Variants in XRCC4 observed in about 807,000 individuals in gnomAD.
The protein encoded by XRCC4 is DNA repair protein XRCC4.
XRCC4 carries 28 observed loss-of-function variants against 39.1 expected under a neutral mutation model. The observed-to-expected ratio is 0.72, with a 90% CI of 0.53 to 0.98. The LOEUF is 0.98. XRCC4 is among the 50% of genes least tolerant of loss of function. The pLI, the probability that XRCC4 is intolerant of heterozygous loss-of-function variation, is 0.00. For synonymous variants in XRCC4, 123 were observed against 126.4 expected, an observed-to-expected ratio of 0.97 and a Z score of 0.18; for missense variants, 350 against 376.4, an observed-to-expected ratio of 0.93 and a Z score of 0.58.
chr5:83,288,041 C>T (rs904166122), intron 7 of XRCC4, among the ~76,000 whole-genome samples: 1 of 151,788 alleles, frequency 6.6e-6, no homozygotes, highest in Non-Finnish European at 1.5e-5. Flanking sequence ...CCCATATGTT[C>T]AGAAGTATAT....
intron 7 of XRCC4, among the ~76,000 whole-genome samples, chr5:83,264,672 C>G (rs148765709): frequency 1.2e-3 from 180 of 152,234 alleles, no homozygotes; most frequent in African/African-American, 4.2e-3. Context: ...GCAGATCCCT[C>G]TCTCTTCCAC....
chr5:83,258,277 A>G (rs1053207083), intron 6 of XRCC4, among the ~76,000 whole-genome samples: 3 of 152,144 alleles, frequency 2.0e-5, no homozygotes, highest in Non-Finnish European at 4.4e-5. Context: ...CTCCAAGAAC[A>G]CGTTCACCCA....
At chr5:83,103,403 T>G (rs1746046940) in intron 1 of XRCC4, among the ~76,000 whole-genome samples, 1 of 152,126 alleles carries the variant, frequency 6.6e-6, no homozygotes, top group African/African-American at 2.4e-5. Flanking sequence ...AGTAAAAAAT[T>G]GGCTAACATG....
chr5:83,148,673 A>G (rs1338906689), intron 3 of XRCC4, among the ~76,000 whole-genome samples: 1 of 152,150 alleles, frequency 6.6e-6, no homozygotes, highest in African/African-American at 2.4e-5. Context: ...ATAACTTTAC[A>G]TTTTTAAAAA....
intron 3 of XRCC4, among the ~76,000 whole-genome samples, chr5:83,112,105 G>A (rs1441220153): frequency 6.6e-6 from 1 of 151,108 alleles, no homozygotes; most frequent in Non-Finnish European, 1.5e-5. Flanking sequence ...AGGGAATAAT[G>A]CAGAGAAACT....
intron 7 of XRCC4, among the ~76,000 whole-genome samples, chr5:83,317,740 A>G (rs2112117695): frequency 2.3e-4 from 1 of 4,258 alleles, no homozygotes; most frequent in East Asian, 6.8e-3. Flanking sequence ...AGAGTCCAGG[A>G]CCAGATGGAT....
intron 3 of XRCC4, among the ~76,000 whole-genome samples, chr5:83,183,195 C>T (rs1274803058): frequency 6.6e-6 from 1 of 151,670 alleles, no homozygotes; most frequent in Admixed American, 6.6e-5. Flanking sequence ...CTTTTTTTCC[C>T]CAGTCTTCCA....
At chr5:83,141,390 C>T (rs567596803) in intron 3 of XRCC4, among the ~76,000 whole-genome samples, 3 of 152,248 alleles carry the variant, frequency 2.0e-5, no homozygotes, top group Non-Finnish European at 4.4e-5. Context: ...AATTTCTCTC[C>T]AGAAAAGGTG....
At chr5:83,214,830 CCTT>C (rs1353526184) in intron 6 of XRCC4, among the ~76,000 whole-genome samples, 1 of 120,098 alleles carries the variant, frequency 8.3e-6, no homozygotes, top group Non-Finnish European at 1.8e-5. Context: ...GAGCAAGACT[CCTT>C]CTCAAAAAAA....
intron 6 of XRCC4, among the ~76,000 whole-genome samples, chr5:83,244,202 G>A (rs974678968): frequency 3.4e-5 from 5 of 148,658 alleles, no homozygotes; most frequent in African/African-American, 1.0e-4. Context: ...TTCTTTATGG[G>A]TCACATTTTC....
chr5:83,359,786 A>T, the XRCC4 span, among the ~76,000 whole-genome samples: 1 of 152,158 alleles, frequency 6.6e-6, no homozygotes, highest in Non-Finnish European at 1.5e-5. Flanking sequence ...ATTTCAGAAG[A>T]CCTTCAATCA....
chr5:83,149,187 A>G (rs1360783478), intron 3 of XRCC4, among the ~76,000 whole-genome samples: 1 of 152,110 alleles, frequency 6.6e-6, no homozygotes, highest in African/African-American at 2.4e-5. Context: ...TCCACTGATG[A>G]TTCTTTTTGT....
chr5:83,100,102 G>C (rs1745860300), intron 1 of XRCC4, among the ~76,000 whole-genome samples: 2 of 152,064 alleles, frequency 1.3e-5, no homozygotes, highest in Non-Finnish European at 2.9e-5. Flanking sequence ...TTGATATAAA[G>C]AACATTTCTG....
At chr5:83,329,782 A>G (rs1416695711) in intron 7 of XRCC4, among the ~76,000 whole-genome samples, 1 of 152,110 alleles carries the variant, frequency 6.6e-6, no homozygotes, top group African/African-American at 2.4e-5. Context: ...TTAACTGGCC[A>G]ATTATCATCA....
intron 6 of XRCC4, among the ~76,000 whole-genome samples, chr5:83,214,217 A>G (rs989878881): frequency 6.6e-6 from 1 of 152,212 alleles, no homozygotes; most frequent in African/African-American, 2.4e-5. Flanking sequence ...GCAATTAGGC[A>G]AGAAAATAAG....
chr5:83,206,000 A>T (rs1224609061), intron 6 of XRCC4, among the ~76,000 whole-genome samples: 1 of 152,154 alleles, frequency 6.6e-6, no homozygotes, highest in African/African-American at 2.4e-5. Flanking sequence ...TAATCTGGAT[A>T]AAGTAGAAAG....
chr5:83,209,960 C>T (rs1405091320), intron 6 of XRCC4, among the ~76,000 whole-genome samples: 1 of 152,038 alleles, frequency 6.6e-6, no homozygotes, highest in Admixed American at 6.6e-5. Context: ...CAGGAAGGTC[C>T]CTGTATAACT....
intron 1 of XRCC4, among the ~76,000 whole-genome samples, chr5:83,089,691 G>T (rs1745334498): frequency 6.6e-6 from 1 of 151,908 alleles, no homozygotes; most frequent in African/African-American, 2.4e-5. Flanking sequence ...TTTCTTATTA[G>T]GGAGAAGCTG....
At chr5:83,308,227 G>A (rs3777021) in intron 7 of XRCC4, among the ~76,000 whole-genome samples, 8,537 of 152,206 alleles carry the variant, frequency 0.056, 924 homozygotes, top group East Asian at 0.49. Flanking sequence ...AAATTCTTGT[G>A]TAGTCATATT....
Sources: gnomAD v4.1 joint callset for allele counts (sites outside exome capture counted in the v4.1 genomes callset) on GRCh38, gnomAD v4.1.1 for gene constraint, MANE v1.5 for transcripts, NCBI Gene and HGNC (gene_info 2026-07-23, HGNC 2026-07-21) for gene names.